ODF2L: variants seen among roughly 807,000 people sequenced by gnomAD.
ODF2L encodes outer dense fiber of sperm tails 2 like.
ODF2L carries 76 observed loss-of-function variants against 86.3 expected under a neutral mutation model. That is an observed-to-expected ratio of 0.88 (90% CI 0.73 to 1.07). The LOEUF is 1.07. ODF2L is among the 50% of genes least tolerant of loss of function. The probability of loss-of-function intolerance (pLI) is 0.00; values close to 1 mark genes in which losing one functional copy is unlikely to be tolerated. For missense variants in ODF2L, 748 were observed against 717.4 expected (o/e 1.04, Z -0.49); for synonymous variants, 241 against 231.3 (o/e 1.04, Z -0.38).
downstream of ODF2L, chr1:86,348,772 G>T (rs759130767): frequency 1.4e-5 from 21 of 1,514,754 alleles, no homozygotes; most frequent in Non-Finnish European, 1.8e-5. Flanking sequence ...TGTTACATAA[G>T]AAGTTTTAAG....
At chr1:86,393,048 G>A (rs766803550) in intron 1 of ODF2L, among the ~76,000 whole-genome samples, 1 of 151,996 alleles carries the variant, frequency 6.6e-6, no homozygotes, top group Non-Finnish European at 1.5e-5. Flanking sequence ...AACTGCTCAG[G>A]GACCATGATG....
At chr1:86,367,292 T>A (rs1022484787) in intron 11 of ODF2L, among the ~76,000 whole-genome samples, 7 of 152,344 alleles carry the variant, frequency 4.6e-5, no homozygotes, top group African/African-American at 1.7e-4. Flanking sequence ...ACTATTTTAA[T>A]GTTTACTTCT....
At chr1:86,371,307 T>G (rs376189371) in intron 9 of ODF2L, among the ~76,000 whole-genome samples, 154 bp from the exon 10 acceptor site, 5 of 152,070 alleles carry the variant, frequency 3.3e-5, no homozygotes, top group East Asian at 3.9e-4. Flanking sequence ...ACAAGAAAAA[T>G]AAGAAGAAGT....
chr1:86,356,538 G>T, exon 14 of ODF2L: 1 of 1,613,958 alleles, frequency 6.2e-7, no homozygotes, highest in Non-Finnish European at 8.5e-7. Context: ...CCTCCGTTCC[G>T]CCGCCGTCAA....
chr1:86,367,041 A>G (rs568848110), intron 11 of ODF2L, among the ~76,000 whole-genome samples: 3 of 152,302 alleles, frequency 2.0e-5, no homozygotes, highest in Non-Finnish European at 4.4e-5. Flanking sequence ...GTGAAGTTTC[A>G]AAACACCAAG....
downstream of ODF2L, chr1:86,347,658 G>A (rs1657879627): frequency 2.6e-5 from 4 of 152,148 alleles, no homozygotes; most frequent in African/African-American, 9.7e-5. Flanking sequence ...CAGAAAAAAA[G>A]CATAAAACAT....
intron 1 of ODF2L, among the ~76,000 whole-genome samples, chr1:86,388,837 C>A (rs1197252471): frequency 6.6e-6 from 1 of 151,970 alleles, no homozygotes; most frequent in African/African-American, 2.4e-5. Context: ...AAAGGGTAAA[C>A]AAATAAATAA....
chr1:86,385,834 G>A (rs1660917952), intron 2 of ODF2L: 2 of 269,720 alleles, frequency 7.4e-6, no homozygotes, highest in East Asian at 1.5e-4. Flanking sequence ...TAAGTTTGAA[G>A]GAGCATTTTC....
Position 86,353,091 on chromosome 1 carries a change from T to C in ODF2L, c.1768-107A>G, listed in dbSNP as rs1570343858. On this transcript the variant is annotated intron_variant, in intron 16 of 17. Coordinates refer to ENST00000317336, the Ensembl canonical transcript of ODF2L. ...TTTCTAAACAGATATTACTTGTATG[T>C]TATATCCAAGTTTAAAGATGTTCTA... 8.5e-6 allele frequency: 6 copies of C among 707,428 alleles called. No homozygotes were observed. In the East Asian group the frequency reaches 1.1e-4, roughly 14 times the overall value. The allele number at this position is 707,428 out of a possible 1,614,324, so 43.8% of individuals were successfully genotyped here.
Position 86,393,447 on chromosome 1 carries a change from G to A in ODF2L, c.-60+2586C>T, listed in dbSNP as rs111586543. Among the ~76,000 whole-genome samples, 1,455 of 151,264 alleles carry A rather than the reference G, an allele frequency of 9.6e-3. 14 individuals carry two copies. The highest frequency in any genetic ancestry group is 0.034 in the Middle Eastern group (10 of 290). ...AAAAGCTGGAAAATAAATCTTATGC[G>A]TAAAAGCTACCAAAATGGAAAAAAC... On this transcript the variant is annotated intron_variant, in intron 1 of 17. Coordinates refer to ENST00000317336, the Ensembl canonical transcript of ODF2L.
chr1:86,381,582 C>G (rs1016103749), intron 7 of ODF2L, among the ~76,000 whole-genome samples: 4 of 151,764 alleles, frequency 2.6e-5, no homozygotes, highest in African/African-American at 9.7e-5. Context: ...TGTAACCTCT[C>G]AAGGTGGGAA....
At chr1:86,357,696 G>A (rs1255290329) in intron 13 of ODF2L, 4 of 947,270 alleles carry the variant, frequency 4.2e-6, no homozygotes, top group Non-Finnish European at 5.0e-6. Flanking sequence ...CATCTTAGAG[G>A]CCATGAGAAA....
intron 17 of ODF2L, among the ~76,000 whole-genome samples, chr1:86,352,640 G>A (rs1570342617): frequency 6.6e-6 from 1 of 152,008 alleles, no homozygotes; most frequent in East Asian, 1.9e-4. Context: ...GAAAGTGCCT[G>A]ATGAGATTTG....
chr1:86,375,541 T>G (rs988412738), intron 8 of ODF2L, among the ~76,000 whole-genome samples: 1 of 152,124 alleles, frequency 6.6e-6, no homozygotes, highest in South Asian at 2.1e-4. Context: ...GAGACTTTTT[T>G]AAAAAAATTA....
downstream of ODF2L, chr1:86,349,701 T>TA (rs1657996582): frequency 6.6e-6 from 1 of 152,206 alleles, no homozygotes; most frequent in Non-Finnish European, 1.5e-5. Flanking sequence ...GGGTAGAATA[T>TA]AAAATGTCAA....
exon 13 of ODF2L, chr1:86,358,818 A>T (rs764559450): frequency 6.6e-7 from 1 of 1,520,740 alleles, no homozygotes; most frequent in Non-Finnish European, 8.9e-7. Context: ...GGTTTTTGTT[A>T]TTTGGTTATT....
chr1:86,358,200 T>C (rs928339683), intron 13 of ODF2L: 32 of 403,366 alleles, frequency 7.9e-5, no homozygotes, highest in Admixed American at 3.2e-4. Context: ...GGAGTCAGCA[T>C]CCTACAACTT....
intron 11 of ODF2L, among the ~76,000 whole-genome samples, chr1:86,366,884 T>C (rs1454621440): frequency 2.6e-5 from 4 of 151,674 alleles, no homozygotes; most frequent in African/African-American, 9.7e-5. Flanking sequence ...ACAGAGAGAC[T>C]GGAGAAAATA....
rs772772777 is a variant in ODF2L at position 86,385,597 on chromosome 1, A to G, written c.114-7T>C. 3.7e-6 allele frequency: 6 copies of G among 1,607,074 alleles called. No individual in the cohort carries two copies. The South Asian group carries it at 6.6e-5, about 18-fold the overall frequency. ...TAGAATGTCCTGCTTCAGGCTAATT[A>G]CAAATGCACATACAAAATTTAAGTT... On this transcript the variant is annotated splice_polypyrimidine_tract_variant and splice_region_variant and intron_variant, in intron 2 of 17. Coordinates refer to ENST00000317336, the Ensembl canonical transcript of ODF2L.
Sources: allele counts gnomAD v4.1 joint callset (sites outside exome capture counted in the v4.1 genomes callset), GRCh38; gene constraint gnomAD v4.1.1; transcripts MANE v1.5; gene names NCBI Gene and HGNC (gene_info 2026-07-23, HGNC 2026-07-21).